Variants in LMCD1 observed in about 807,000 individuals in gnomAD.
LMCD1 encodes the protein LIM and cysteine rich domains 1.
Under a neutral mutation model 42.7 loss-of-function variants are expected in LMCD1, and 32 were observed. That is an observed-to-expected ratio of 0.75 (90% confidence interval 0.57 to 1.01). The LOEUF (loss-of-function observed/expected upper bound fraction) is 1.01, where lower values mean the gene tolerates loss of function less well. Among genes scored for constraint, LMCD1 ranks in the 50% least tolerant of loss-of-function variants. The probability of loss-of-function intolerance (pLI) is 0.00; values close to 1 mark genes in which losing one functional copy is unlikely to be tolerated. For synonymous variants in LMCD1, 178 were observed against 184.9 expected, an observed-to-expected ratio of 0.96 and a Z score of 0.30; for missense variants, 458 against 483.1, an observed-to-expected ratio of 0.95 and a Z score of 0.49.
chr3:8,515,335 G>T (rs1694078582), intron 1 of LMCD1, among the ~76,000 whole-genome samples: 1 of 152,136 alleles, frequency 6.6e-6, no homozygotes, highest in South Asian at 2.1e-4. Context: ...TGCTGAGAGG[G>T]TTTCCTCCTC....
At position 8,565,665 on chromosome 3, in the gene LMCD1, G is replaced by A. The variant is rs776020629; in HGVS notation, c.939+18G>A. ...GCGATGAGGTGGGAGATAGCCGCGA[G>A]ATGGGTTAGGGGGCTTGAGGGACAC... On this transcript the variant is annotated intron_variant, in intron 5 of 5. Coordinates refer to ENST00000157600, the MANE Select transcript of LMCD1 (RefSeq NM_014583.4). 2.5e-6 allele frequency: 4 copies of A among 1,569,830 alleles called. No individual in the cohort carries two copies. The highest frequency in any genetic ancestry group is 2.4e-5 in the East Asian group (1 of 42,446).
intron 1 of LMCD1, among the ~76,000 whole-genome samples, chr3:8,517,830 AT>A (rs982912733): frequency 4.3e-4 from 66 of 152,126 alleles, no homozygotes; most frequent in Non-Finnish European, 2.4e-4. Flanking sequence ...TTTAGAGATA[AT>A]TTTTTTCAAG....
At chr3:8,564,620 A>G (rs866192124) in intron 4 of LMCD1, among the ~76,000 whole-genome samples, 38 of 152,340 alleles carry the variant, frequency 2.5e-4, no homozygotes, top group African/African-American at 9.1e-4. Flanking sequence ...TGCACGGGTA[A>G]AAAGATCCAT....
At chr3:8,509,838 G>C (rs1320958450) in intron 1 of LMCD1, among the ~76,000 whole-genome samples, 1 of 152,148 alleles carries the variant, frequency 6.6e-6, no homozygotes, top group Admixed American at 6.5e-5. Context: ...TAGGGCCTTT[G>C]GGAAGAAACC....
intron 1 of LMCD1, among the ~76,000 whole-genome samples, chr3:8,518,104 A>G (rs1694131437): frequency 6.6e-6 from 1 of 152,022 alleles, no homozygotes. Flanking sequence ...GGGTCCACAC[A>G]GGTAGTAAAA....
intron 4 of LMCD1, among the ~76,000 whole-genome samples, chr3:8,563,313 GAAGAA>G (rs1424709831): frequency 6.6e-6 from 1 of 152,236 alleles, no homozygotes; most frequent in East Asian, 1.9e-4. Flanking sequence ...TCTCACATCT[GAAGAA>G]TGAAAGGGAG....
At position 8,569,384 on chromosome 3, in the gene LMCD1, A is replaced by G. The variant is rs4686267; in HGVS notation, c.*1786A>G. 0.33 allele frequency: 49,736 copies of G among 152,060 alleles called. 8,765 individuals carry two copies. Among genetic ancestry groups the G allele is most frequent in the Admixed American group, 0.41 (6,237 of 15,270 alleles). The allele number at this position is 152,060 out of a possible 1,614,324, so 9.4% of individuals were successfully genotyped here. A position where few individuals can be genotyped will look rare whatever the true frequency, so the allele number is the denominator to read the frequency against. ...TGCTTCTCTGGCACTTTCCTGAAGCACCAGTGAAATATTCACCAATTCATC... is the reference window on the plus strand; with the variant it reads ...TGCTTCTCTGGCACTTTCCTGAAGCGCCAGTGAAATATTCACCAATTCATC... On this transcript the variant is annotated 3_prime_UTR_variant, in exon 6 of 6. Transcript: ENST00000157600.
intron 3 of LMCD1, among the ~76,000 whole-genome samples, chr3:8,542,573 G>T (rs567581938): frequency 4.2e-4 from 64 of 152,332 alleles, no homozygotes; most frequent in Middle Eastern, 3.4e-3. Flanking sequence ...CACATCCAGG[G>T]AATGGGGGAT....
At chr3:8,560,252 T>C (rs1443094738) in intron 4 of LMCD1, among the ~76,000 whole-genome samples, 1 of 152,116 alleles carries the variant, frequency 6.6e-6, no homozygotes, top group East Asian at 1.9e-4. Flanking sequence ...ATTTAAATAT[T>C]TTTAAAATGT....
At chr3:8,541,834 T>G (rs921324225) in intron 3 of LMCD1, among the ~76,000 whole-genome samples, 2 of 152,060 alleles carry the variant, frequency 1.3e-5, no homozygotes, top group Non-Finnish European at 2.9e-5. Flanking sequence ...TAGTGGTTGC[T>G]TGGAGGGCTG....
At chr3:8,525,398 T>TTGTG (rs371508462) in intron 1 of LMCD1, among the ~76,000 whole-genome samples, 4 of 151,748 alleles carry the variant, frequency 2.6e-5, no homozygotes, top group African/African-American at 9.7e-5. Context: ...TATTATTCCA[T>TTGTG]TGTGTGTGTG....
chr3:8,537,248 C>T lies in LMCD1; in HGVS notation c.195C>T (p.Asp65=), dbSNP rs35113439. Residue 65 remains aspartate (D), a synonymous_variant, in exon 3 of 6, where the codon GAC becomes GAT. Coordinates refer to ENST00000157600, the MANE Select transcript of LMCD1 (RefSeq NM_014583.4). ...EDHCLTSDLE[D]DRKIGRLLMD... ...ACTGCCTAACATCTGACCTAGAAGACGATCGGAAAATTGGCCGCTTGCTGA... is the reference window on the plus strand; with the variant it reads ...ACTGCCTAACATCTGACCTAGAAGATGATCGGAAAATTGGCCGCTTGCTGA... 1.4e-4 allele frequency: 231 copies of T among 1,614,066 alleles called. No individual in the cohort carries two copies. The African/African-American group carries it at 2.1e-3, about 15-fold the overall frequency.
chr3:8,569,327 T>G lies in LMCD1; in HGVS notation c.*1729T>G, dbSNP rs968205521. On this transcript the variant is annotated 3_prime_UTR_variant, in exon 6 of 6. Transcript: ENST00000157600. The stretch of plus-strand genomic sequence containing the variant: ...ACCAACTCTGGCTGTTGAAATTCTA[T>G]TCATCCTATAAGGTGCTTCTCAAGC... The G allele has an allele frequency of 6.6e-6, 1 of 152,230 alleles. No homozygotes were observed. Among genetic ancestry groups the G allele is most frequent in the Non-Finnish European group, 1.5e-5 (1 of 68,046 alleles). 9.4% of individuals were successfully genotyped at this position (152,230 alleles called of 1,614,324 possible). A position where few individuals can be genotyped will look rare whatever the true frequency, so the allele number is the denominator to read the frequency against.
intron 2 of LMCD1, among the ~76,000 whole-genome samples, chr3:8,535,915 C>G (rs2125024329): frequency 6.6e-6 from 1 of 152,300 alleles, no homozygotes; most frequent in East Asian, 1.9e-4. Context: ...GGCCTCTACC[C>G]ACCAGACACC....
At chr3:8,539,204 TAAGCTGTTGCCTTAGG>T (rs1453527004) in intron 3 of LMCD1, among the ~76,000 whole-genome samples, 2 of 152,210 alleles carry the variant, frequency 1.3e-5, no homozygotes, top group Non-Finnish European at 2.9e-5. Flanking sequence ...GGCACAGTTC[TAAGCTGTTGCCTTAGG>T]GGGGAAAATC....
chr3:8,502,322 T>TATATATATAAA (rs1559342133), intron 1 of LMCD1, among the ~76,000 whole-genome samples: 1 of 8,538 alleles, frequency 1.2e-4, no homozygotes, highest in African/African-American at 2.6e-4. Flanking sequence ...AAATATATAT[T>TATATATATAAA]ATATATAATA....
At chr3:8,521,625 C>T (rs1694207366) in intron 1 of LMCD1, among the ~76,000 whole-genome samples, 1 of 152,174 alleles carries the variant, frequency 6.6e-6, no homozygotes, top group Non-Finnish European at 1.5e-5. Context: ...CTTATCACCT[C>T]TTTGTCTATT....
intron 2 of LMCD1, among the ~76,000 whole-genome samples, chr3:8,533,720 A>G (rs1292485800): frequency 6.6e-6 from 1 of 152,182 alleles, no homozygotes; most frequent in Admixed American, 6.5e-5. Flanking sequence ...AGGTATTAGT[A>G]TCTCCATTTT....
chr3:8,515,069 A>G (rs1433104362), intron 1 of LMCD1: 1 of 455,826 alleles, frequency 2.2e-6, no homozygotes, highest in Non-Finnish European at 4.4e-6. Flanking sequence ...AGTGATATGT[A>G]TCCAGGCAGC....
Sources: allele counts gnomAD v4.1 joint callset (sites outside exome capture counted in the v4.1 genomes callset), GRCh38; gene constraint gnomAD v4.1.1; transcripts MANE v1.5; gene names NCBI Gene and HGNC (gene_info 2026-07-23, HGNC 2026-07-21).